Variants in CSMD3 observed in about 807,000 individuals in gnomAD.
CSMD3 encodes the protein CUB and sushi domain-containing protein 3.
Under a neutral mutation model 435.2 loss-of-function variants are expected in CSMD3, and 177 were observed. That is an observed-to-expected ratio of 0.41 (90% confidence interval 0.36 to 0.46). The LOEUF is 0.46. Ranked by LOEUF, CSMD3 falls within the 20% of genes least tolerant of loss-of-function variation. The pLI is 0.34. For missense variants in CSMD3, 4,265 were observed against 4,504.6 expected (o/e 0.95, Z 1.52); for synonymous variants, 1,656 against 1,520.5 (o/e 1.09, Z -2.07).
chr8:112,907,796 G>A (rs2082303155), intron 10 of CSMD3, among the ~76,000 whole-genome samples: 1 of 151,304 alleles, frequency 6.6e-6, no homozygotes, highest in Non-Finnish European at 1.5e-5. Context: ...GAATGATATA[G>A]CAATGAATTA....
At chr8:113,002,895 T>TGA (rs1288452252) in intron 6 of CSMD3, among the ~76,000 whole-genome samples, 9 of 152,082 alleles carry the variant, frequency 5.9e-5, no homozygotes, top group Non-Finnish European at 8.8e-5. Context: ...AATTACAATG[T>TGA]GAGAGATAGT....
chr8:113,063,002 ATAAG>A (rs1255885788), intron 5 of CSMD3, among the ~76,000 whole-genome samples: 5 of 151,786 alleles, frequency 3.3e-5, no homozygotes, highest in African/African-American at 7.2e-5. Context: ...AGGCTAACTT[ATAAG>A]TAAGAGTTAA....
At chr8:112,683,525 C>G (rs909959532) in intron 15 of CSMD3, among the ~76,000 whole-genome samples, 1 of 151,880 alleles carries the variant, frequency 6.6e-6, no homozygotes, top group Non-Finnish European at 1.5e-5. Flanking sequence ...CAGCAAATAG[C>G]AGGAGTATAA....
At position 112,466,654 on chromosome 8, in the gene CSMD3, T is replaced by A. The variant is rs148939189; in HGVS notation, c.5395+5937A>T. On this transcript the variant is annotated intron_variant, in intron 32 of 70. Transcript: ENST00000297405. ...CTTATTTTCAATCCATTGTTTTACT[T>A]TTTTCTTCTGAATTACAAGAATACC... Among the ~76,000 whole-genome samples, 866 of 152,254 alleles carry A rather than the reference T, an allele frequency of 5.7e-3. 13 individuals carry two copies. The highest frequency in any genetic ancestry group is 0.02 in the African/African-American group (827 of 41,548).
At chr8:112,335,058 G>A (rs1404649278) in intron 45 of CSMD3, among the ~76,000 whole-genome samples, 1 of 152,098 alleles carries the variant, frequency 6.6e-6, no homozygotes, top group African/African-American at 2.4e-5. Flanking sequence ...CTCCTTTATT[G>A]GTTTTCATGC....
Position 112,281,168 on chromosome 8 carries a change from A to G in CSMD3, c.9508+6T>C. 1 of 1,595,888 alleles carries G rather than the reference A, an allele frequency of 6.3e-7. No homozygotes were observed. The highest frequency in any genetic ancestry group is 8.6e-7 in the Non-Finnish European group (1 of 1,163,612). ...ACTGATTTTTAAATATTGAGAATAT[A>G]CTTACTTGTACAGTTAGGTAAAGTT... On this transcript the variant is annotated splice_donor_region_variant and intron_variant, in intron 59 of 70. Transcript: ENST00000297405.
chr8:112,639,453 C>CA (rs1392741452), intron 20 of CSMD3, among the ~76,000 whole-genome samples: 1 of 151,988 alleles, frequency 6.6e-6, no homozygotes, highest in African/African-American at 2.4e-5. Flanking sequence ...ATATAATATG[C>CA]AAAAAATGTA....
At chr8:112,291,038 A>G (rs1334588416) in intron 56 of CSMD3, among the ~76,000 whole-genome samples, 1 of 152,018 alleles carries the variant, frequency 6.6e-6, no homozygotes, top group Non-Finnish European at 1.5e-5. Context: ...ATGTATATTA[A>G]CATTTATTGC....
chr8:113,343,761 T>C (rs1424811878), intron 1 of CSMD3, among the ~76,000 whole-genome samples: 2 of 152,218 alleles, frequency 1.3e-5, no homozygotes, highest in East Asian at 3.9e-4. Flanking sequence ...AAAAAAATCA[T>C]AATTTTCTCT....
chr8:113,073,790 C>T (rs893564292), intron 5 of CSMD3, among the ~76,000 whole-genome samples: 1 of 151,608 alleles, frequency 6.6e-6, no homozygotes. Flanking sequence ...CAATTCTTGA[C>T]AGCATTCGCC....
At chr8:112,338,620 G>A (rs1244239330) in intron 42 of CSMD3, among the ~76,000 whole-genome samples, 3 of 151,560 alleles carry the variant, frequency 2.0e-5, no homozygotes, top group South Asian at 2.1e-4. Flanking sequence ...AATCACATTC[G>A]AAGTTAAATA....
At chr8:112,991,512 C>A (rs1044488828) in intron 6 of CSMD3, among the ~76,000 whole-genome samples, 1 of 151,762 alleles carries the variant, frequency 6.6e-6, no homozygotes, top group African/African-American at 2.4e-5. Flanking sequence ...TATTAAATAT[C>A]ACCGAATCTG....
At chr8:112,295,035 T>G (rs550610759) in intron 54 of CSMD3, among the ~76,000 whole-genome samples, 12 of 152,258 alleles carry the variant, frequency 7.9e-5, no homozygotes, top group Middle Eastern at 3.4e-3. Context: ...ATGTGTAATC[T>G]CTCATCTATC....
At chr8:113,347,051 C>A (rs2094156387) in intron 1 of CSMD3, among the ~76,000 whole-genome samples, 1 of 152,038 alleles carries the variant, frequency 6.6e-6, no homozygotes. Flanking sequence ...CCAGAAGTGT[C>A]TAACAGTCCT....
At chr8:113,427,251 A>G (rs2094641060) in intron 1 of CSMD3, among the ~76,000 whole-genome samples, 1 of 151,516 alleles carries the variant, frequency 6.6e-6, no homozygotes, top group Non-Finnish European at 1.5e-5. Context: ...TAATTTAATA[A>G]AAACATTTTT....
Position 113,363,739 on chromosome 8 carries a change from G to A in CSMD3, c.179-48946C>T, listed in dbSNP as rs73341950. ...CAGGGTAATCTCTTCATGTTAAGACGCTTAACTTAATCATATCTACAAAGA... is the reference window on the plus strand; with the variant it reads ...CAGGGTAATCTCTTCATGTTAAGACACTTAACTTAATCATATCTACAAAGA... On this transcript the variant is annotated intron_variant, in intron 1 of 70. Coordinates refer to ENST00000297405, the MANE Select transcript of CSMD3 (RefSeq NM_198123.2). 3.6e-3 allele frequency among the ~76,000 whole-genome samples: 545 copies of A among 152,168 alleles called. 2 individuals are homozygous for A. Among genetic ancestry groups the A allele is most frequent in the African/African-American group, 0.012 (499 of 41,516 alleles).
chr8:112,715,227 AT>A (rs1462494096), intron 13 of CSMD3, among the ~76,000 whole-genome samples: 1 of 152,196 alleles, frequency 6.6e-6, no homozygotes. Context: ...ACAATAAAAA[AT>A]GTCACAATAA....
chr8:112,285,644 A>G (rs1819115448), intron 58 of CSMD3, among the ~76,000 whole-genome samples: 1 of 152,160 alleles, frequency 6.6e-6, no homozygotes, highest in Admixed American at 6.6e-5. Flanking sequence ...AAAAAGAACA[A>G]TTAAGGTCAA....
intron 2 of CSMD3, chr8:113,314,370 G>A: frequency 3.5e-6 from 2 of 571,544 alleles, no homozygotes; most frequent in Non-Finnish European, 6.2e-6. Flanking sequence ...GTGAGACATA[G>A]TATTAATGTA....
Sources: allele counts gnomAD v4.1 joint callset (sites outside exome capture counted in the v4.1 genomes callset), GRCh38; gene constraint gnomAD v4.1.1; transcripts MANE v1.5; gene names NCBI Gene and HGNC (gene_info 2026-07-23, HGNC 2026-07-21).